The following SLC8A1 variants were observed in gnomAD, a reference collection of about 807,000 sequenced individuals.
SLC8A1 encodes solute carrier family 8 member A1.
Under a neutral mutation model 68.3 loss-of-function variants are expected in SLC8A1, and 18 were observed. That is an observed-to-expected ratio of 0.26 (90% CI 0.18 to 0.39). SLC8A1 has a LOEUF of 0.39. SLC8A1 is among the 10% of genes least tolerant of loss of function. SLC8A1 has a pLI of 1.00. For synonymous variants in SLC8A1, 475 were observed against 415.5 expected (o/e 1.14, Z -1.74); for missense variants, 985 against 1,156.7 (o/e 0.85, Z 2.15).
chr2:40,206,225 C>A (rs1014009770), intron 2 of SLC8A1, among the ~76,000 whole-genome samples: 4 of 152,052 alleles, frequency 2.6e-5, no homozygotes, highest in Non-Finnish European at 5.9e-5. Flanking sequence ...TGTGCCATGA[C>A]AAATATCAGA....
chr2:40,198,381 A>T (rs1372982511), intron 2 of SLC8A1, among the ~76,000 whole-genome samples: 4 of 151,956 alleles, frequency 2.6e-5, no homozygotes, highest in African/African-American at 7.2e-5. Flanking sequence ...GCCTAGAAAG[A>T]TGATATATAA....
chr2:40,371,276 C>G (rs1359752493), intron 2 of SLC8A1, among the ~76,000 whole-genome samples: 1 of 152,006 alleles, frequency 6.6e-6, no homozygotes, highest in Non-Finnish European at 1.5e-5. Context: ...GCAAATTGCT[C>G]AAGTTAAATC....
At chr2:40,238,048 C>T (rs936436547) in intron 2 of SLC8A1, among the ~76,000 whole-genome samples, 11 of 152,230 alleles carry the variant, frequency 7.2e-5, no homozygotes, top group Non-Finnish European at 2.9e-5. Flanking sequence ...AAAGTTACTG[C>T]TGTCTTTTTG....
chr2:40,442,254 G>C (rs1700630892), intron 1 of SLC8A1, among the ~76,000 whole-genome samples: 1 of 148,942 alleles, frequency 6.7e-6, no homozygotes, highest in Non-Finnish European at 1.5e-5. Context: ...TTTACTAAAA[G>C]TGATAATTCA....
chr2:40,480,862 C>T (rs1704582824), intron 1 of SLC8A1, among the ~76,000 whole-genome samples: 1 of 152,180 alleles, frequency 6.6e-6, no homozygotes, highest in African/African-American at 2.4e-5. Flanking sequence ...GACCAGCAGC[C>T]ACTGACTTAC....
At chr2:40,200,223 T>TAA (rs1558722463) in intron 2 of SLC8A1, among the ~76,000 whole-genome samples, 4 of 1,750 alleles carry the variant, frequency 2.3e-3, no homozygotes, top group African/African-American at 4.1e-3. Context: ...TATATATTTT[T>TAA]TTATATATAT....
At chr2:40,217,349 T>C (rs756465622) in intron 2 of SLC8A1, among the ~76,000 whole-genome samples, 8 of 152,228 alleles carry the variant, frequency 5.3e-5, no homozygotes, top group Non-Finnish European at 1.2e-4. Flanking sequence ...TTGGTTTATA[T>C]ATCTGTTTTG....
chr2:40,375,533 C>G (rs1475169804), intron 2 of SLC8A1, among the ~76,000 whole-genome samples: 1 of 151,936 alleles, frequency 6.6e-6, no homozygotes, highest in African/African-American at 2.4e-5. Flanking sequence ...ACCATAAAGT[C>G]CTCATTAAAC....
At chr2:40,214,434 T>G (rs2057126733) in intron 2 of SLC8A1, among the ~76,000 whole-genome samples, 1 of 147,304 alleles carries the variant, frequency 6.8e-6, no homozygotes, top group Admixed American at 6.7e-5. Flanking sequence ...TTGTACACTA[T>G]CTTTTTTTTT....
At chr2:40,353,791 G>T (rs1437779175) in intron 2 of SLC8A1, among the ~76,000 whole-genome samples, 1 of 152,132 alleles carries the variant, frequency 6.6e-6, no homozygotes, top group Non-Finnish European at 1.5e-5. Context: ...CACAATGGCA[G>T]CGAAGCGCTC....
At chr2:40,243,482 C>G (rs114104884) in intron 2 of SLC8A1, among the ~76,000 whole-genome samples, 2,195 of 151,614 alleles carry the variant, frequency 0.014, 59 homozygotes, top group African/African-American at 0.05. Flanking sequence ...GACCCTGTCT[C>G]AAAAAAGAGA....
chr2:40,150,450 A>G (rs144694291), intron 6 of SLC8A1, among the ~76,000 whole-genome samples: 338 of 152,274 alleles, frequency 2.2e-3, no homozygotes, highest in African/African-American at 7.9e-3. Context: ...CAGCATACAA[A>G]GGCTCCCGAC....
At chr2:40,157,979 T>G (rs141836752) in intron 6 of SLC8A1, among the ~76,000 whole-genome samples, 164 of 152,280 alleles carry the variant, frequency 1.1e-3, no homozygotes, top group African/African-American at 3.7e-3. Context: ...GACAAGAAGA[T>G]TGCCACAGGG....
intron 2 of SLC8A1, among the ~76,000 whole-genome samples, chr2:40,309,621 T>C (rs1385098500): frequency 6.7e-6 from 1 of 150,338 alleles, no homozygotes; most frequent in Non-Finnish European, 1.5e-5. Flanking sequence ...TTCTCCTGCC[T>C]CACCCTCCCA....
intron 2 of SLC8A1, among the ~76,000 whole-genome samples, chr2:40,338,770 CT>C (rs1666803673): frequency 5.3e-5 from 8 of 152,066 alleles, no homozygotes; most frequent in African/African-American, 1.9e-4. Context: ...TAGAAATTTC[CT>C]AATAGATCCT....
intron 1 of SLC8A1, among the ~76,000 whole-genome samples, chr2:40,432,185 C>T (rs1053794897): frequency 6.6e-6 from 1 of 151,850 alleles, no homozygotes; most frequent in Non-Finnish European, 1.5e-5. Flanking sequence ...ATTTCATCCA[C>T]AATATTTATG....
rs181661290 is a variant in SLC8A1, at chr2:40,188,769, T to C, written c.1809-10914A>G. Reference sequence around the variant, plus strand: ...TTCTTAAGTCTTAAAATTCATATTCTCTTTCTCTGTTTTCCCTCCTTCCCT... The same window carrying C: ...TTCTTAAGTCTTAAAATTCATATTCCCTTTCTCTGTTTTCCCTCCTTCCCT... On this transcript the variant is annotated intron_variant, in intron 2 of 7. Transcript: ENST00000406785. Among the ~76,000 whole-genome samples the C allele has an allele frequency of 7.1e-4, 108 of 152,342 alleles. 1 individual carries two copies. The highest frequency in any genetic ancestry group is 2.5e-3 in the African/African-American group (103 of 41,596).
intron 2 of SLC8A1, among the ~76,000 whole-genome samples, chr2:40,340,856 T>G (rs888736786): frequency 2.0e-5 from 3 of 152,058 alleles, no homozygotes; most frequent in Non-Finnish European, 4.4e-5. Flanking sequence ...TCAGAGACAA[T>G]GAGATAGCAC....
At chr2:40,347,844 A>T (rs1293011642) in intron 2 of SLC8A1, among the ~76,000 whole-genome samples, 2 of 152,206 alleles carry the variant, frequency 1.3e-5, no homozygotes, top group Non-Finnish European at 2.9e-5. Flanking sequence ...ATACATTTTC[A>T]TCTTGAAATC....
Sources: gnomAD v4.1 joint callset for allele counts (sites outside exome capture counted in the v4.1 genomes callset) on GRCh38, gnomAD v4.1.1 for gene constraint, MANE v1.5 for transcripts, NCBI Gene and HGNC (gene_info 2026-07-23, HGNC 2026-07-21) for gene names.